Variants in FRMD5 observed in about 807,000 individuals in gnomAD.
FRMD5 encodes FERM domain-containing protein 5.
A neutral mutation model predicts 69.0 loss-of-function variants in FRMD5; 20 were observed. The ratio of observed to expected loss-of-function variants is 0.29; its 90% CI spans 0.20 to 0.42. The LOEUF is 0.42. Among genes scored for constraint, FRMD5 ranks in the 10% least tolerant of loss-of-function variants. FRMD5 has a pLI of 1.00. For synonymous variants in FRMD5, 271 were observed against 260.1 expected (o/e 1.04, Z -0.40); for missense variants, 595 against 708.6 (o/e 0.84, Z 1.82).
rs190452647 is a variant in FRMD5, at chr15:44,036,027, T to A, written c.103-111718A>T. Among the ~76,000 whole-genome samples, 128 of 152,254 alleles carry A rather than the reference T, an allele frequency of 8.4e-4. 2 individuals are homozygous for A. Among genetic ancestry groups the A allele is most frequent in the Admixed American group, 4.8e-3 (73 of 15,292 alleles). On this transcript the variant is annotated intron_variant, in intron 1 of 13. Transcript: ENST00000417257. The stretch of plus-strand genomic sequence containing the variant: ...ACTAAGTGAGAAATGTATGCTGACC[T>A]AAGAGAAGCCTCTGGCCAGAGAAAC...
At chr15:44,057,278 G>A (rs1474586650) in intron 1 of FRMD5, among the ~76,000 whole-genome samples, 1 of 151,104 alleles carries the variant, frequency 6.6e-6, no homozygotes, top group Non-Finnish European at 1.5e-5. Flanking sequence ...GCTAATTTTT[G>A]TATTTTTAGT....
chr15:44,187,361 C>G (rs944279385), intron 1 of FRMD5, among the ~76,000 whole-genome samples: 4 of 152,110 alleles, frequency 2.6e-5, no homozygotes, highest in African/African-American at 9.7e-5. Flanking sequence ...CTCTGCATGT[C>G]AAGTATGATT....
At chr15:44,152,121 A>T (rs1359135594) in intron 1 of FRMD5, among the ~76,000 whole-genome samples, 1 of 152,132 alleles carries the variant, frequency 6.6e-6, no homozygotes, top group Non-Finnish European at 1.5e-5. Flanking sequence ...GAGGCATGAG[A>T]ATTGCTTGAA....
chr15:43,921,861 G>A (rs2089498661), intron 2 of FRMD5, among the ~76,000 whole-genome samples: 1 of 152,188 alleles, frequency 6.6e-6, no homozygotes, highest in Non-Finnish European at 1.5e-5. Context: ...CTCCAGGAGA[G>A]ACCAGGAGAG....
chr15:44,127,062 A>G (rs1355290768), intron 1 of FRMD5, among the ~76,000 whole-genome samples: 1 of 152,234 alleles, frequency 6.6e-6, no homozygotes, highest in East Asian at 1.9e-4. Context: ...TCTATAGAAC[A>G]GAACATGTTT....
At chr15:43,956,199 C>A (rs1443240251) in intron 1 of FRMD5, among the ~76,000 whole-genome samples, 4 of 152,188 alleles carry the variant, frequency 2.6e-5, no homozygotes, top group African/African-American at 2.4e-5. Context: ...AATTTATAAA[C>A]CTTTACAAAA....
At chr15:43,923,290 C>T (rs1418634920) in intron 2 of FRMD5, among the ~76,000 whole-genome samples, 1 of 152,204 alleles carries the variant, frequency 6.6e-6, no homozygotes, top group Non-Finnish European at 1.5e-5. Context: ...ATGGAACTTA[C>T]ATTTTTGCAG....
chr15:44,137,097 G>A (rs58882193), intron 1 of FRMD5, among the ~76,000 whole-genome samples: 1 of 152,204 alleles, frequency 6.6e-6, no homozygotes, highest in Non-Finnish European at 1.5e-5. Context: ...GGAGGAGGAG[G>A]TTATAAGCTA....
chr15:44,007,637 A>AT (rs35512441), intron 1 of FRMD5, among the ~76,000 whole-genome samples: 6,281 of 81,042 alleles, frequency 0.078, 726 homozygotes, highest in African/African-American at 0.12. Flanking sequence ...TAATTAACTA[A>AT]TTTTTTTTTT....
chr15:44,189,513 G>A (rs1027878824), intron 1 of FRMD5, among the ~76,000 whole-genome samples: 1 of 148,248 alleles, frequency 6.7e-6, no homozygotes, highest in African/African-American at 2.5e-5. Flanking sequence ...TTTTGGGACA[G>A]AGTCTTGCTC....
At chr15:44,042,130 A>G (rs1892223804) in intron 1 of FRMD5, among the ~76,000 whole-genome samples, 1 of 152,218 alleles carries the variant, frequency 6.6e-6, no homozygotes, top group Non-Finnish European at 1.5e-5. Flanking sequence ...AATACAAACT[A>G]CCATCAGAGA....
At chr15:44,001,612 T>C (rs1191302566) in intron 1 of FRMD5, among the ~76,000 whole-genome samples, 4 of 5,670 alleles carry the variant, frequency 7.1e-4, no homozygotes, top group African/African-American at 1.0e-3. Context: ...AATTTTATTG[T>C]TTTTTTTTTT....
intron 1 of FRMD5, among the ~76,000 whole-genome samples, chr15:44,001,827 G>T (rs1890227862): frequency 6.6e-6 from 1 of 151,892 alleles, no homozygotes. Flanking sequence ...TTGAACCCCT[G>T]AGCTCAAGGG....
At chr15:44,137,226 A>G (rs553601533) in intron 1 of FRMD5, among the ~76,000 whole-genome samples, 4 of 152,372 alleles carry the variant, frequency 2.6e-5, no homozygotes, top group Admixed American at 1.3e-4. Context: ...TGCTGGCTAC[A>G]GGATCACACC....
At chr15:44,019,174 G>A (rs1170508759) in intron 1 of FRMD5, among the ~76,000 whole-genome samples, 2 of 152,170 alleles carry the variant, frequency 1.3e-5, no homozygotes, top group African/African-American at 4.8e-5. Context: ...GATTACAGAT[G>A]TGAGCCATCA....
At chr15:44,115,165 T>C (rs1418162074) in intron 1 of FRMD5, among the ~76,000 whole-genome samples, 4 of 152,202 alleles carry the variant, frequency 2.6e-5, no homozygotes, top group Non-Finnish European at 4.4e-5. Flanking sequence ...GCTTATGTTA[T>C]ATAAAAAACA....
intron 12 of FRMD5, among the ~76,000 whole-genome samples, chr15:43,884,390 T>A (rs930879689): frequency 6.6e-4 from 101 of 152,316 alleles, no homozygotes; most frequent in African/African-American, 2.4e-3. Context: ...TGTGGGACTA[T>A]CCTTGGCTTC....
chr15:44,016,587 T>A (rs186473359), intron 1 of FRMD5, among the ~76,000 whole-genome samples: 1 of 151,876 alleles, frequency 6.6e-6, no homozygotes, highest in Non-Finnish European at 1.5e-5. Flanking sequence ...GCCAGGCATG[T>A]TGGCATGCAC....
chr15:43,953,429 A>C (rs1007221442), intron 1 of FRMD5, among the ~76,000 whole-genome samples: 3 of 152,088 alleles, frequency 2.0e-5, no homozygotes, highest in African/African-American at 7.2e-5. Flanking sequence ...AGCAAGCATC[A>C]CTCCTACTCC....
Sources: allele counts gnomAD v4.1 joint callset (sites outside exome capture counted in the v4.1 genomes callset), GRCh38; gene constraint gnomAD v4.1.1; transcripts MANE v1.5; gene names NCBI Gene and HGNC (gene_info 2026-07-23, HGNC 2026-07-21).